Variants in CAP2 observed in about 807,000 individuals in gnomAD.
The protein encoded by CAP2 is adenylyl cyclase-associated protein 2.
Under a neutral mutation model 57.7 loss-of-function variants are expected in CAP2, and 24 were observed. The observed-to-expected ratio is 0.42, with a 90% CI of 0.30 to 0.58. The LOEUF is 0.58. CAP2 is among the 20% of genes least tolerant of loss of function. The probability of loss-of-function intolerance (pLI) is 0.22; values close to 1 mark genes in which losing one functional copy is unlikely to be tolerated. For synonymous variants in CAP2, 194 were observed against 207.2 expected, an observed-to-expected ratio of 0.94 and a Z score of 0.55; for missense variants, 501 against 590.3, an observed-to-expected ratio of 0.85 and a Z score of 1.57.
At chr6:17,442,425 C>T (rs1760110527) in intron 3 of CAP2, among the ~76,000 whole-genome samples, 1 of 152,158 alleles carries the variant, frequency 6.6e-6, no homozygotes, top group South Asian at 2.1e-4. Context: ...ACAACATGTG[C>T]AGGGGTGAAT....
intron 4 of CAP2, among the ~76,000 whole-genome samples, chr6:17,498,775 C>T (rs1172983681): frequency 6.6e-6 from 1 of 152,062 alleles, no homozygotes; most frequent in Non-Finnish European, 1.5e-5. Flanking sequence ...GTCGCCCAGG[C>T]TGGAGTGCAG....
chr6:17,433,653 T>G (rs1759799996), intron 3 of CAP2, among the ~76,000 whole-genome samples: 1 of 152,226 alleles, frequency 6.6e-6, no homozygotes, highest in African/African-American at 2.4e-5. Context: ...GGCCTGATCA[T>G]TACTATGCTG....
At position 17,480,564 on chromosome 6, in the gene CAP2, T is replaced by C. The variant is rs559755555; in HGVS notation, c.300+17491T>C. 2.2e-4 allele frequency among the ~76,000 whole-genome samples: 34 copies of C among 152,164 alleles called. 2 individuals carry two copies. In the East Asian group the frequency reaches 5.4e-3, roughly 24 times the overall value. ...AGCAGTCCTGAACACTGCATAGGGATTGGGGAGTTGGAGAAGAGGTCACAA... is the reference window on the plus strand; with the variant it reads ...AGCAGTCCTGAACACTGCATAGGGACTGGGGAGTTGGAGAAGAGGTCACAA... On this transcript the variant is annotated intron_variant, in intron 4 of 12. Transcript: ENST00000229922.
chr6:17,474,692 A>C (rs1324596826), intron 4 of CAP2, among the ~76,000 whole-genome samples: 1 of 152,158 alleles, frequency 6.6e-6, no homozygotes, highest in African/African-American at 2.4e-5. Context: ...AACTTCTGAA[A>C]TAACTGTTAT....
At chr6:17,537,694 G>A (rs1762805553) in intron 7 of CAP2, among the ~76,000 whole-genome samples, 1 of 151,966 alleles carries the variant, frequency 6.6e-6, no homozygotes, top group Non-Finnish European at 1.5e-5. Flanking sequence ...TCCATTACTC[G>A]CAATTTTTTA....
chr6:17,450,783 G>A (rs931533498), intron 3 of CAP2, among the ~76,000 whole-genome samples: 7 of 152,048 alleles, frequency 4.6e-5, no homozygotes, highest in African/African-American at 1.5e-4. Flanking sequence ...GCCAATGAGA[G>A]TAAAATCATT....
At chr6:17,434,710 T>C (rs1759827723) in intron 3 of CAP2, among the ~76,000 whole-genome samples, 1 of 152,222 alleles carries the variant, frequency 6.6e-6, no homozygotes, top group African/African-American at 2.4e-5. Context: ...TTTTTGAAAA[T>C]ACATTTATTC....
intron 4 of CAP2, among the ~76,000 whole-genome samples, chr6:17,467,011 C>A (rs531053057): frequency 1.3e-5 from 2 of 152,100 alleles, no homozygotes; most frequent in Non-Finnish European, 2.9e-5. Context: ...TAGAATTAAT[C>A]TTTAATAGGA....
At chr6:17,436,077 CTTT>C (rs1759874377) in intron 3 of CAP2, among the ~76,000 whole-genome samples, 1 of 121,828 alleles carries the variant, frequency 8.2e-6, no homozygotes, top group African/African-American at 3.2e-5. Flanking sequence ...ATCTTTCTTT[CTTT>C]CTTTCTTTCC....
chr6:17,448,855 A>C (rs778442050), intron 3 of CAP2, among the ~76,000 whole-genome samples: 1 of 151,444 alleles, frequency 6.6e-6, no homozygotes, highest in Non-Finnish European at 1.5e-5. Flanking sequence ...TCCGTTTCCC[A>C]GGTTCAAGAG....
chr6:17,552,680 G>T (rs1480007825), intron 12 of CAP2, among the ~76,000 whole-genome samples: 2 of 152,160 alleles, frequency 1.3e-5, no homozygotes, highest in Non-Finnish European at 2.9e-5. Context: ...AAGTCTGCCT[G>T]TGCAGGGAGC....
intron 2 of CAP2, among the ~76,000 whole-genome samples, chr6:17,426,095 A>AAAAC (rs896238301): frequency 4.6e-4 from 70 of 151,962 alleles, no homozygotes; most frequent in Non-Finnish European, 3.7e-4. Flanking sequence ...CCTGTCTCAA[A>AAAAC]AAACAAACAA....
chr6:17,432,316 C>T lies in CAP2; in HGVS notation c.222+5626C>T, dbSNP rs1759757652. Among the ~76,000 whole-genome samples the T allele has an allele frequency of 2.0e-5, 3 of 152,176 alleles. No individual in the cohort carries two copies. The South Asian group carries it at 6.2e-4, about 32-fold the overall frequency. ...AGAATCTGTGTCTATCCAGGATCCCCATCCCAAAAAATCTTATCAGAAGCA... is the reference window on the plus strand; with the variant it reads ...AGAATCTGTGTCTATCCAGGATCCCTATCCCAAAAAATCTTATCAGAAGCA... On this transcript the variant is annotated intron_variant, in intron 3 of 12. Coordinates refer to ENST00000229922, the MANE Select transcript of CAP2 (RefSeq NM_006366.3).
intron 12 of CAP2, 142 bp downstream of exon 12, chr6:17,551,746 C>A: frequency 3.2e-6 from 2 of 626,964 alleles, no homozygotes; most frequent in Non-Finnish European, 2.8e-6. Context: ...AGGGAGCTGT[C>A]TTCCACATCT....
At chr6:17,527,974 A>C (rs576658946) in intron 7 of CAP2, among the ~76,000 whole-genome samples, 1 of 152,276 alleles carries the variant, frequency 6.6e-6, no homozygotes, top group East Asian at 1.9e-4. Flanking sequence ...TTTTACTTTG[A>C]GCATGTAGAA....
chr6:17,491,482 T>A (rs1761541050), intron 4 of CAP2, among the ~76,000 whole-genome samples: 1 of 152,226 alleles, frequency 6.6e-6, no homozygotes, highest in Non-Finnish European at 1.5e-5. Flanking sequence ...ATAGCAGCTG[T>A]CATTTTTAGT....
At chr6:17,503,419 G>A (rs186043460) in intron 4 of CAP2, among the ~76,000 whole-genome samples, 8 of 152,090 alleles carry the variant, frequency 5.3e-5, no homozygotes, top group African/African-American at 1.2e-4. Flanking sequence ...CCAACATGGC[G>A]AAACCAAAAC....
intron 3 of CAP2, among the ~76,000 whole-genome samples, chr6:17,448,332 G>T (rs886088782): frequency 5.3e-5 from 8 of 152,250 alleles, no homozygotes; most frequent in African/African-American, 1.4e-4. Context: ...AAGTGCTTCA[G>T]ATTCCTTAAG....
At position 17,439,298 on chromosome 6, in the gene CAP2, T is replaced by C. The variant is rs142279686; in HGVS notation, c.222+12608T>C. On this transcript the variant is annotated intron_variant, in intron 3 of 12. Transcript: ENST00000229922. Reference sequence around the variant, plus strand: ...TAGGTTCCTGCAGTTCCCATCACTATCATTAATCAGTCCATTTCCCCCATG... The same window carrying C: ...TAGGTTCCTGCAGTTCCCATCACTACCATTAATCAGTCCATTTCCCCCATG... Among the ~76,000 whole-genome samples the C allele has an allele frequency of 4.0e-5, 6 of 150,776 alleles. No individual in the cohort carries two copies. In the East Asian group the frequency reaches 1.2e-3, roughly 29 times the overall value.
Sources: allele counts gnomAD v4.1 joint callset (sites outside exome capture counted in the v4.1 genomes callset), GRCh38; gene constraint gnomAD v4.1.1; transcripts MANE v1.5; gene names NCBI Gene and HGNC (gene_info 2026-07-23, HGNC 2026-07-21).